SLC9A2: variants seen among roughly 807,000 people sequenced by gnomAD.
SLC9A2 encodes solute carrier family 9 member A2, also known as sodium/hydrogen exchanger 2.
Under a neutral mutation model 71.7 loss-of-function variants are expected in SLC9A2, and 42 were observed. The observed-to-expected ratio is 0.59, with a 90% confidence interval of 0.46 to 0.76. The LOEUF (loss-of-function observed/expected upper bound fraction) is 0.76. Among genes scored for constraint, SLC9A2 ranks in the 30% least tolerant of loss-of-function variants. The probability of loss-of-function intolerance (pLI) is 0.00; values close to 1 mark genes in which losing one functional copy is unlikely to be tolerated. For missense variants in SLC9A2, 829 were observed against 1,017.4 expected (o/e 0.81, Z 2.52); for synonymous variants, 396 against 392.5 (o/e 1.01, Z -0.10).
intron 3 of SLC9A2, 113 bp downstream of exon 3, chr2:102,665,463 C>A (rs1282573638): frequency 8.3e-7 from 1 of 1,198,958 alleles, no homozygotes; most frequent in Non-Finnish European, 1.2e-6. Flanking sequence ...TTTTCTTATT[C>A]TTTTAAGAAA....
chr2:102,668,193 C>A (rs1430670811), intron 3 of SLC9A2, among the ~76,000 whole-genome samples: 1 of 152,130 alleles, frequency 6.6e-6, no homozygotes, highest in Non-Finnish European at 1.5e-5. Flanking sequence ...CCAAAATTAC[C>A]ATGTGCACCC....
chr2:102,620,988 C>T (rs1676125389), intron 1 of SLC9A2, among the ~76,000 whole-genome samples: 1 of 151,576 alleles, frequency 6.6e-6, no homozygotes, highest in African/African-American at 2.4e-5. Flanking sequence ...AACCTCGTCT[C>T]TACTAAAAAT....
At position 102,708,757 on chromosome 2, in the gene SLC9A2, C is replaced by G; in HGVS notation, c.*268C>G. 1 of 365,860 alleles carries G rather than the reference C, an allele frequency of 2.7e-6. No homozygotes were observed. The highest frequency in any genetic ancestry group is 4.6e-5 in the East Asian group (1 of 21,734). The allele number at this position is 365,860 out of a possible 1,614,324, so 22.7% of individuals were successfully genotyped here. A position where few individuals can be genotyped will look rare whatever the true frequency, so the allele number is the denominator to read the frequency against. ...GAAGAGAAAAAATGGTAATGTGTGC[C>G]TTTATTGAACTTGAATGACAGAACT... On this transcript the variant is annotated 3_prime_UTR_variant, in exon 12 of 12. Coordinates refer to ENST00000233969, the MANE Select transcript of SLC9A2 (RefSeq NM_003048.6).
Position 102,699,359 on chromosome 2 carries a change from C to T in SLC9A2, c.1587-1711C>T, listed in dbSNP as rs150260321. ...ACGCTGCAGCTAAGGAAGAGGGGCACAGTACCAAGAGGGCCAGATCCAGAT... is the reference window on the plus strand; with the variant it reads ...ACGCTGCAGCTAAGGAAGAGGGGCATAGTACCAAGAGGGCCAGATCCAGAT... On this transcript the variant is annotated intron_variant, in intron 7 of 11. Coordinates refer to ENST00000233969, the MANE Select transcript of SLC9A2 (RefSeq NM_003048.6). Among the ~76,000 whole-genome samples, 5 of 152,242 alleles carry T rather than the reference C, an allele frequency of 3.3e-5. No individual in the cohort carries two copies. The East Asian group carries it at 9.7e-4, about 29-fold the overall frequency.
Position 102,684,115 on chromosome 2 carries a change from G to A in SLC9A2, c.1223-19G>A. ...GGCCTCACCCAGTCTGTTTCCTCTT[G>A]GGTTTTCTTTCTTTGCAGGTGTTTT... On this transcript the variant is annotated intron_variant, in intron 4 of 11. Coordinates refer to ENST00000233969, the MANE Select transcript of SLC9A2 (RefSeq NM_003048.6). 4 of 1,604,526 alleles carry A rather than the reference G, an allele frequency of 2.5e-6. No individual in the cohort carries two copies. Among genetic ancestry groups the A allele is most frequent in the Non-Finnish European group, 2.6e-6 (3 of 1,171,792 alleles).
At chr2:102,646,231 C>A (rs58502823) in intron 1 of SLC9A2, among the ~76,000 whole-genome samples, 5,447 of 152,192 alleles carry the variant, frequency 0.036, 329 homozygotes, top group African/African-American at 0.12. Context: ...GAAATAAAAT[C>A]CTTTATAGAC....
At position 102,704,660 on chromosome 2, in the gene SLC9A2, G is replaced by A; in HGVS notation, c.1962G>A (p.Leu654=). The A allele has an allele frequency of 6.2e-7, 1 of 1,612,374 alleles. No individual in the cohort carries two copies. Among genetic ancestry groups the A allele is most frequent in the Non-Finnish European group, 8.5e-7 (1 of 1,178,834 alleles). ...LRESIRKDSS[L]NREHRASTST... ...AAAGCATTAGGAAGGACAGCAGCTT[G>A]AATCGAGAACACAGGGTAACTGAGT... Residue 654 remains leucine, a synonymous_variant, in exon 10 of 12, where the codon TTG becomes TTA. Coordinates refer to ENST00000233969, the MANE Select transcript of SLC9A2 (RefSeq NM_003048.6).
At position 102,702,549 on chromosome 2, in the gene SLC9A2, A is replaced by G. The variant is rs1173151586; in HGVS notation, c.1845+47A>G. ...AAATATTTACTTACCTTTGGCTAACAGGATGCCTTCTGGTTTTGTGCTGTA... is the reference window on the plus strand; with the variant it reads ...AAATATTTACTTACCTTTGGCTAACGGGATGCCTTCTGGTTTTGTGCTGTA... On this transcript the variant is annotated intron_variant, in intron 9 of 11. Transcript: ENST00000233969. 4.3e-6 allele frequency: 5 copies of G among 1,154,290 alleles called. No homozygotes were observed. The South Asian group carries it at 6.5e-5, about 15-fold the overall frequency. 71.5% of individuals were successfully genotyped at this position (1,154,290 alleles called of 1,614,324 possible). A position where few individuals can be genotyped will look rare whatever the true frequency, so the allele number is the denominator to read the frequency against.
chr2:102,634,776 T>A (rs1265475395), intron 1 of SLC9A2, among the ~76,000 whole-genome samples: 9 of 152,214 alleles, frequency 5.9e-5, no homozygotes, highest in Non-Finnish European at 1.3e-4. Flanking sequence ...TCTTTTTTTT[T>A]ATTCCAGGTT....
intron 1 of SLC9A2, among the ~76,000 whole-genome samples, chr2:102,628,832 C>A (rs1676303363): frequency 6.6e-6 from 1 of 152,106 alleles, no homozygotes; most frequent in South Asian, 2.1e-4. Context: ...TATAGGCATG[C>A]ACCACCATGC....
At chr2:102,685,076 C>T (rs1289011944) in intron 5 of SLC9A2, among the ~76,000 whole-genome samples, 1 of 152,084 alleles carries the variant, frequency 6.6e-6, no homozygotes, top group Non-Finnish European at 1.5e-5. Context: ...AGGGTAAAGT[C>T]GTGGGGGAAA....
intron 3 of SLC9A2, among the ~76,000 whole-genome samples, chr2:102,671,028 C>T (rs957185094): frequency 6.6e-6 from 1 of 152,032 alleles, no homozygotes; most frequent in Non-Finnish European, 1.5e-5. Context: ...AAACACAAGA[C>T]ATTGTAGGAC....
intron 3 of SLC9A2, among the ~76,000 whole-genome samples, chr2:102,668,073 C>A: frequency 6.6e-6 from 1 of 150,384 alleles, no homozygotes; most frequent in Non-Finnish European, 1.5e-5. Context: ...GACTCGGTCT[C>A]AAAAAACTAA....
intron 5 of SLC9A2, among the ~76,000 whole-genome samples, chr2:102,692,817 T>C (rs1677689392): frequency 6.6e-6 from 1 of 152,186 alleles, no homozygotes; most frequent in African/African-American, 2.4e-5. Flanking sequence ...AATATTGTTA[T>C]CCTGTCTAGG....
At chr2:102,632,038 AC>A (rs1475992766) in intron 1 of SLC9A2, among the ~76,000 whole-genome samples, 5 of 114,330 alleles carry the variant, frequency 4.4e-5, no homozygotes, top group African/African-American at 1.5e-4. Context: ...ATATATATAT[AC>A]ATACACACAC....
rs117581279 is a variant in SLC9A2 at position 102,698,070 on chromosome 2, C to T, written c.1586+2957C>T. On this transcript the variant is annotated intron_variant, in intron 7 of 11. Coordinates refer to ENST00000233969, the MANE Select transcript of SLC9A2 (RefSeq NM_003048.6). ...AGAGCAGATGCCATTGTTCTTGGTG[C>T]TTGTTCTTCCTTTTACTCTCTCTAG... 6.4e-4 allele frequency among the ~76,000 whole-genome samples: 98 copies of T among 152,298 alleles called. 2 individuals carry two copies. The East Asian group carries it at 0.018, about 28-fold the overall frequency.
intron 5 of SLC9A2, among the ~76,000 whole-genome samples, chr2:102,687,571 A>G (rs2104542982): frequency 6.6e-6 from 1 of 152,322 alleles, no homozygotes; most frequent in African/African-American, 2.4e-5. Context: ...CCTTATTTCA[A>G]TATTTTATAT....
intron 3 of SLC9A2, among the ~76,000 whole-genome samples, chr2:102,671,046 A>G (rs1677241138): frequency 6.6e-6 from 1 of 152,146 alleles, no homozygotes; most frequent in South Asian, 2.1e-4. Context: ...GACATTCATA[A>G]AACATTATAT....
intron 5 of SLC9A2, among the ~76,000 whole-genome samples, chr2:102,692,092 T>C (rs1558721950): frequency 6.6e-6 from 1 of 152,260 alleles, no homozygotes; most frequent in Non-Finnish European, 1.5e-5. Flanking sequence ...GCGAACCACA[T>C]GTTTACACCC....
Sources: gnomAD v4.1 joint callset for allele counts (sites outside exome capture counted in the v4.1 genomes callset) on GRCh38, gnomAD v4.1.1 for gene constraint, MANE v1.5 for transcripts, NCBI Gene and HGNC (gene_info 2026-07-23, HGNC 2026-07-21) for gene names.